HDAC9: variants seen among roughly 807,000 people sequenced by gnomAD.
HDAC9 encodes MEF-2 interacting transcription repressor (MITR) protein.
A neutral mutation model predicts 139.4 loss-of-function variants in HDAC9; 41 were observed. The ratio of observed to expected loss-of-function variants is 0.29; its 90% CI spans 0.23 to 0.38. The LOEUF is 0.38. Ranked by LOEUF, HDAC9 falls within the 10% of genes least tolerant of loss-of-function variation. The pLI is 1.00. For synonymous variants in HDAC9, 517 were observed against 476.2 expected, an observed-to-expected ratio of 1.09 and a Z score of -1.12; for missense variants, 1,147 against 1,297.0, an observed-to-expected ratio of 0.88 and a Z score of 1.78.
In HDAC9 at chr7:18,451,952, G is replaced by A. The variant is rs111640342; in HGVS notation, c.-41-44310G>A. Among the ~76,000 whole-genome samples, 1,238 of 152,186 alleles carry A rather than the reference G, an allele frequency of 8.1e-3. 15 individuals carry two copies. Among genetic ancestry groups the A allele is most frequent in the African/African-American group, 0.027 (1,115 of 41,532 alleles). ...CTAAATCTGCCCCAGTTCAGCCATC[G>A]TTATGGTAGATCCATATCCCAGATG... is the stretch of plus-strand genomic sequence containing the variant. On this transcript the variant is annotated intron_variant, in intron 1 of 3. Coordinates refer to the HDAC9 transcript ENST00000413509.
chr7:18,634,542 A>G, intron 7 of HDAC9, 85 bp from the exon 8 acceptor site: 4 of 793,872 alleles, frequency 5.0e-6, no homozygotes. Flanking sequence ...GGAAAATAAC[A>G]TGCCCAATGT....
intron 1 of HDAC9, among the ~76,000 whole-genome samples, chr7:18,407,178 TGGAG>T (rs1788092848): frequency 6.6e-6 from 1 of 152,180 alleles, no homozygotes; most frequent in Non-Finnish European, 1.5e-5. Context: ...CTCAGTCTGT[TGGAG>T]AGGATTCCAC....
chr7:18,133,640 A>G (rs750822113), intron 1 of HDAC9, among the ~76,000 whole-genome samples: 1 of 152,106 alleles, frequency 6.6e-6, no homozygotes, highest in Admixed American at 6.6e-5. Context: ...TTTTTAAATG[A>G]CTTAATGGGC....
At chr7:18,138,349 G>A (rs931956596) in intron 1 of HDAC9, among the ~76,000 whole-genome samples, 1 of 151,986 alleles carries the variant, frequency 6.6e-6, no homozygotes, top group African/African-American at 2.4e-5. Context: ...CTCCTTGCAA[G>A]GACATCTTCT....
intron 1 of HDAC9, among the ~76,000 whole-genome samples, chr7:18,422,744 GCACACA>G (rs1233787931): frequency 3.0e-4 from 8 of 26,336 alleles, no homozygotes; most frequent in South Asian, 1.2e-3. Context: ...ACACACACGC[GCACACA>G]CACACACACA....
intron 12 of HDAC9, among the ~76,000 whole-genome samples, chr7:18,676,353 A>C (rs926216658): frequency 3.6e-4 from 53 of 147,658 alleles, no homozygotes; most frequent in Non-Finnish European, 6.3e-4. Flanking sequence ...CCCCTCCCCC[A>C]CCTACTATCT....
intron 17 of HDAC9, among the ~76,000 whole-genome samples, chr7:18,800,452 C>T (rs1382360554): frequency 6.6e-6 from 1 of 152,202 alleles, no homozygotes; most frequent in Non-Finnish European, 1.5e-5. Context: ...CAATAATTAA[C>T]ATTTTTAGAT....
intron 23 of HDAC9, among the ~76,000 whole-genome samples, chr7:18,951,790 A>G (rs1334234220): frequency 6.6e-6 from 1 of 151,860 alleles, no homozygotes; most frequent in Non-Finnish European, 1.5e-5. Context: ...ATGAATAATG[A>G]CAACACTCAT....
chr7:18,647,042 T>C (rs1787639885), intron 9 of HDAC9, among the ~76,000 whole-genome samples: 1 of 152,182 alleles, frequency 6.6e-6, no homozygotes, highest in Non-Finnish European at 1.5e-5. Context: ...ATTGGACACT[T>C]ACAGCTCTGT....
intron 14 of HDAC9, among the ~76,000 whole-genome samples, chr7:18,755,963 A>G (rs148506543): frequency 9.2e-4 from 140 of 152,270 alleles, no homozygotes; most frequent in Middle Eastern, 3.4e-3. Context: ...TGGTCAGTAC[A>G]GTGTCAGTAT....
chr7:18,544,297 A>T (rs767689896), intron 2 of HDAC9, among the ~76,000 whole-genome samples: 3 of 152,202 alleles, frequency 2.0e-5, no homozygotes, highest in Non-Finnish European at 4.4e-5. Context: ...AGCCTCAAGG[A>T]CAACTCTTTA....
chr7:18,134,925 T>C (rs558733808), intron 1 of HDAC9, among the ~76,000 whole-genome samples: 1 of 152,318 alleles, frequency 6.6e-6, no homozygotes, highest in African/African-American at 2.4e-5. Context: ...AATCAAACTA[T>C]GATTCTGACT....
At chr7:18,640,608 C>T (rs760735631) in intron 8 of HDAC9, among the ~76,000 whole-genome samples, 3 of 151,724 alleles carry the variant, frequency 2.0e-5, no homozygotes, top group Admixed American at 1.3e-4. Context: ...CATTCTCTCC[C>T]GTGTTCTTGT....
chr7:18,414,928 T>G (rs939760805), intron 1 of HDAC9, among the ~76,000 whole-genome samples: 2 of 152,220 alleles, frequency 1.3e-5, no homozygotes, highest in African/African-American at 4.8e-5. Flanking sequence ...TATTTGGTCC[T>G]CATTCTCTGC....
At chr7:18,886,986 TTTG>T (rs1377475074) in intron 22 of HDAC9, among the ~76,000 whole-genome samples, 5 of 152,226 alleles carry the variant, frequency 3.3e-5, no homozygotes, top group Admixed American at 3.3e-4. Context: ...GGTCAAATCC[TTTG>T]TTAAGTAATG....
intron 12 of HDAC9, among the ~76,000 whole-genome samples, chr7:18,710,739 C>A (rs1040484288): frequency 6.6e-6 from 1 of 152,108 alleles, no homozygotes; most frequent in Non-Finnish European, 1.5e-5. Flanking sequence ...TGAAAATGTA[C>A]GTGCTATTCC....
intron 1 of HDAC9, among the ~76,000 whole-genome samples, chr7:18,358,410 T>C (rs1429040661): frequency 6.6e-6 from 1 of 152,222 alleles, no homozygotes; most frequent in Non-Finnish European, 1.5e-5. Flanking sequence ...TGTGGCTATG[T>C]TGAGACAGTA....
chr7:18,900,229 T>C (rs1474082905), intron 22 of HDAC9, among the ~76,000 whole-genome samples: 1 of 152,184 alleles, frequency 6.6e-6, no homozygotes, highest in African/African-American at 2.4e-5. Context: ...CTAATGCACC[T>C]ATGCATACTA....
At chr7:18,441,922 C>A (rs774076737) in intron 1 of HDAC9, among the ~76,000 whole-genome samples, 11 of 152,062 alleles carry the variant, frequency 7.2e-5, no homozygotes, top group Non-Finnish European at 1.3e-4. Context: ...CGCCCGCTAC[C>A]ACGCCCGGCT....
Sources: allele counts gnomAD v4.1 joint callset (sites outside exome capture counted in the v4.1 genomes callset), GRCh38; gene constraint gnomAD v4.1.1; transcripts MANE v1.5; gene names NCBI Gene and HGNC (gene_info 2026-07-23, HGNC 2026-07-21).